Variants in RANBP10 observed in about 807,000 individuals in gnomAD.
The protein encoded by RANBP10 is ran-binding protein 10.
RANBP10 carries 24 observed loss-of-function variants against 72.8 expected under a neutral mutation model. That is an observed-to-expected ratio of 0.33 (90% confidence interval 0.24 to 0.46). The LOEUF is 0.46. Ranked by LOEUF, RANBP10 falls within the 20% of genes least tolerant of loss-of-function variation. RANBP10 has a pLI of 1.00. For missense variants in RANBP10, 679 were observed against 817.5 expected, an observed-to-expected ratio of 0.83 and a Z score of 2.07; for synonymous variants, 310 against 322.3, an observed-to-expected ratio of 0.96 and a Z score of 0.41.
At chr16:67,797,528 G>A (rs960736364) in intron 2 of RANBP10, among the ~76,000 whole-genome samples, 1 of 152,192 alleles carries the variant, frequency 6.6e-6, no homozygotes, top group Admixed American at 6.6e-5. Flanking sequence ...AATTAGCCAG[G>A]GCTGGGGATG....
chr16:67,787,793 G>A (rs542271582), intron 2 of RANBP10, among the ~76,000 whole-genome samples: 20 of 152,212 alleles, frequency 1.3e-4, no homozygotes, highest in African/African-American at 3.6e-4. Flanking sequence ...CTTGAGGCCC[G>A]GTGTCAAGAC....
At chr16:67,790,211 T>C (rs1367770905) in intron 2 of RANBP10, among the ~76,000 whole-genome samples, 5 of 151,676 alleles carry the variant, frequency 3.3e-5, no homozygotes, top group Non-Finnish European at 7.4e-5. Context: ...GGACCAATAT[T>C]GTAGGATTCC....
chr16:67,771,868 C>G (rs770906104), intron 3 of RANBP10, among the ~76,000 whole-genome samples, 166 bp downstream of exon 3: 2 of 152,126 alleles, frequency 1.3e-5, no homozygotes, highest in African/African-American at 2.4e-5. Context: ...GAAATGCACA[C>G]CATCCTGGCC....
intron 3 of RANBP10, among the ~76,000 whole-genome samples, chr16:67,745,993 C>T (rs568637268): frequency 6.6e-6 from 1 of 151,778 alleles, no homozygotes; most frequent in Admixed American, 6.6e-5. Flanking sequence ...CCCGTCTCTA[C>T]TAAAAATACA....
intron 3 of RANBP10, among the ~76,000 whole-genome samples, chr16:67,760,201 G>A (rs537600050): frequency 1.3e-5 from 2 of 152,270 alleles, no homozygotes; most frequent in African/African-American, 4.8e-5. Context: ...TCAAAACAGA[G>A]ACATCTTTCA....
Position 67,739,315 on chromosome 16 carries a change from A to G in RANBP10, c.569-1280T>C, listed in dbSNP as rs375374594. Among the ~76,000 whole-genome samples, 44 of 152,304 alleles carry G rather than the reference A, an allele frequency of 2.9e-4. No individual in the cohort carries two copies. The South Asian group carries it at 8.9e-3, about 31-fold the overall frequency. Reference sequence around the variant, plus strand: ...GATCCTCACACCAACTCTGGGAAGCAGGCTTATTGCATTTTACAAAGGAGA... The same window carrying G: ...GATCCTCACACCAACTCTGGGAAGCGGGCTTATTGCATTTTACAAAGGAGA... On this transcript the variant is annotated intron_variant, in intron 4 of 13. Coordinates refer to ENST00000317506, the MANE Select transcript of RANBP10 (RefSeq NM_020850.3).
intron 3 of RANBP10, among the ~76,000 whole-genome samples, chr16:67,754,841 G>A (rs1385213904): frequency 1.3e-5 from 2 of 152,182 alleles, no homozygotes; most frequent in African/African-American, 4.8e-5. Flanking sequence ...CTCGGACCCT[G>A]GTTCCCTTCT....
chr16:67,765,993 G>A (rs1170014581), intron 3 of RANBP10, among the ~76,000 whole-genome samples: 1 of 152,146 alleles, frequency 6.6e-6, no homozygotes, highest in Non-Finnish European at 1.5e-5. Context: ...CTGGGAGACA[G>A]AGTAAGACCC....
intron 2 of RANBP10, among the ~76,000 whole-genome samples, chr16:67,782,625 G>A (rs562976686): frequency 7.9e-5 from 12 of 151,730 alleles, no homozygotes; most frequent in Admixed American, 7.9e-4. Context: ...GCTAATTTTT[G>A]TATTTTTCAG....
chr16:67,806,551 C>T lies in RANBP10; in HGVS notation c.-15G>A. 3 of 1,472,494 alleles carry T rather than the reference C, an allele frequency of 2.0e-6. No individual in the cohort carries two copies. The highest frequency in any genetic ancestry group is 1.8e-6 in the Non-Finnish European group (2 of 1,119,726). The allele number at this position is 1,472,494 out of a possible 1,614,324, so 91.2% of individuals were successfully genotyped here. A position where few individuals can be genotyped will look rare whatever the true frequency, so the allele number is the denominator to read the frequency against. On this transcript the variant is annotated 5_prime_UTR_variant, in exon 1 of 14. Transcript: ENST00000317506. ...GCTGCCGCCATCTTGGAGGGAGCTACTATTGTGTCACTGGGGGCGGGGAGG... is the reference window on the plus strand; with the variant it reads ...GCTGCCGCCATCTTGGAGGGAGCTATTATTGTGTCACTGGGGGCGGGGAGG...
intron 3 of RANBP10, among the ~76,000 whole-genome samples, chr16:67,771,330 T>G (rs2054603175): frequency 6.6e-6 from 1 of 151,838 alleles, no homozygotes; most frequent in African/African-American, 2.4e-5. Context: ...ACTTAAAAAC[T>G]TTGATCTTTT....
At chr16:67,765,919 G>T (rs1276822925) in intron 3 of RANBP10, among the ~76,000 whole-genome samples, 2 of 152,166 alleles carry the variant, frequency 1.3e-5, no homozygotes, top group Admixed American at 1.3e-4. Flanking sequence ...AGGCTGAGGT[G>T]GAAGGAGCAC....
In RANBP10 at chr16:67,788,669, C is replaced by A. The variant is rs1012286186; in HGVS notation, c.348-16583G>T. ...CCTCCCAAAGTGCTGGGATTACAGG[C>A]ATGAGCCACCGCTCCTGCCCCCAAA... On this transcript the variant is annotated intron_variant, in intron 2 of 13. Coordinates refer to ENST00000317506, the MANE Select transcript of RANBP10 (RefSeq NM_020850.3). Among the ~76,000 whole-genome samples, 4 of 151,790 alleles carry A rather than the reference C, an allele frequency of 2.6e-5. 1 individual carries two copies. Among genetic ancestry groups the A allele is most frequent in the African/African-American group, 9.7e-5 (4 of 41,168 alleles).
intron 10 of RANBP10, 157 bp from the exon 11 acceptor site, chr16:67,728,668 T>C: frequency 7.3e-7 from 1 of 1,363,010 alleles, no homozygotes; most frequent in Middle Eastern, 2.5e-4. Context: ...CTTCAGCACT[T>C]GGCCCCTACT....
intron 2 of RANBP10, among the ~76,000 whole-genome samples, chr16:67,774,929 G>T (rs1370618716): frequency 2.6e-5 from 4 of 152,158 alleles, no homozygotes; most frequent in Non-Finnish European, 5.9e-5. Flanking sequence ...ACTTTAAATG[G>T]TGACTTGTAT....
At position 67,806,430 on chromosome 16, in the gene RANBP10, C is replaced by A; in HGVS notation, c.107G>T (p.Ser36Ile). The A allele has an allele frequency of 6.3e-7, 1 of 1,592,936 alleles. No homozygotes were observed. Residue 36 changes from serine to isoleucine, a missense_variant, in exon 1 of 14, where the codon AGC becomes ATC. By Grantham distance (142) the Ser-to-Ile change is moderately radical. Transcript: ENST00000317506. ...GGGATACAGGCGCTGCAAGCGCCGG[C>A]TCAGCTCCTGCTCCCCAGGGGACGG... ...GLPSPGEQEL[S>I]RRLQRLYPAV...
In RANBP10 at chr16:67,726,350, C is replaced by A; in HGVS notation, c.*78G>T. 2 of 1,592,862 alleles carry A rather than the reference C, an allele frequency of 1.3e-6. No homozygotes were observed. Among genetic ancestry groups the A allele is most frequent in the Non-Finnish European group, 8.5e-7 (1 of 1,169,732 alleles). On this transcript the variant is annotated 3_prime_UTR_variant, in exon 14 of 14. Transcript: ENST00000317506. ...TGTCTATGGTTTCCCAGTCCCTGCA[C>A]CAGTTGCCTATGGAGGGCAGGGCAG...
At position 67,806,499 on chromosome 16, in the gene RANBP10, G is replaced by C; in HGVS notation, c.38C>G (p.Pro13Arg). 1.3e-6 allele frequency: 2 copies of C among 1,532,886 alleles called. No homozygotes were observed. Among genetic ancestry groups the C allele is most frequent in the Non-Finnish European group, 1.7e-6 (2 of 1,146,520 alleles). The allele number at this position is 1,532,886 out of a possible 1,614,324, so 95.0% of individuals were successfully genotyped here. Reference protein sequence around the residue: ...AATADPGAGNPQPGDSSGGGA... With the variant: ...AATADPGAGNRQPGDSSGGGA... ...CCCGCCGGAGGAGTCCCCAGGCTGC[G>C]GGTTCCCAGCTCCCGGGTCTGCCGT... Residue 13 changes from proline (P) to arginine (R), a missense_variant, in exon 1 of 14, where the codon CCG (proline) becomes CGG (arginine). By Grantham distance (103) the Pro-to-Arg change is moderately radical (BLOSUM62 -2). Transcript: ENST00000317506.
At chr16:67,734,672 C>A (rs1351713679) in intron 6 of RANBP10, among the ~76,000 whole-genome samples, 186 bp downstream of exon 6, 1 of 152,180 alleles carries the variant, frequency 6.6e-6, no homozygotes, top group Admixed American at 6.5e-5. Context: ...CCGGAGAACT[C>A]GGTGGGAGCT....
Sources: allele counts gnomAD v4.1 joint callset (sites outside exome capture counted in the v4.1 genomes callset), GRCh38; gene constraint gnomAD v4.1.1; transcripts MANE v1.5; gene names NCBI Gene and HGNC (gene_info 2026-07-23, HGNC 2026-07-21).